Variants in COL25A1 observed in about 807,000 individuals in gnomAD.
COL25A1 encodes collagen type XXV alpha 1 chain, also known as collagen alpha-1(XXV) chain.
In COL25A1, 103 loss-of-function variants were observed where a neutral mutation model predicts 128.4. The ratio of observed to expected loss-of-function variants is 0.80; its 90% CI spans 0.68 to 0.94. The LOEUF (loss-of-function observed/expected upper bound fraction) is 0.94. Among genes scored for constraint, COL25A1 ranks in the 40% least tolerant of loss-of-function variants. The pLI, the probability that COL25A1 is intolerant of heterozygous loss-of-function variation, is 0.00. For synonymous variants in COL25A1, 279 were observed against 277.2 expected (o/e 1.01, Z -0.06); for missense variants, 745 against 840.0 (o/e 0.89, Z 1.40).
chr4:108,864,591 A>C (rs1246134540), intron 20 of COL25A1, among the ~76,000 whole-genome samples: 2 of 152,190 alleles, frequency 1.3e-5, no homozygotes, highest in Non-Finnish European at 2.9e-5. Flanking sequence ...GGCAGACAAG[A>C]GCTGCAGAAC....
chr4:109,111,344 G>C (rs1184969342), intron 3 of COL25A1, among the ~76,000 whole-genome samples: 1 of 152,148 alleles, frequency 6.6e-6, no homozygotes, highest in Non-Finnish European at 1.5e-5. Context: ...CTCTAGACTG[G>C]AAGTGCTAAT....
chr4:109,243,352 G>C (rs112525027), intron 3 of COL25A1, among the ~76,000 whole-genome samples: 5,463 of 152,024 alleles, frequency 0.036, 329 homozygotes, highest in African/African-American at 0.13. Flanking sequence ...CTCTGCTTGT[G>C]AGATGAGAGG....
chr4:109,054,665 C>T (rs1040893964), intron 3 of COL25A1, among the ~76,000 whole-genome samples: 1 of 152,154 alleles, frequency 6.6e-6, no homozygotes, highest in South Asian at 2.1e-4. Context: ...ATACCTCAAA[C>T]AGTAGAAAAT....
At chr4:109,091,440 C>G (rs1250809504) in intron 3 of COL25A1, among the ~76,000 whole-genome samples, 1 of 152,170 alleles carries the variant, frequency 6.6e-6, no homozygotes, top group East Asian at 1.9e-4. Context: ...CAATTTAATT[C>G]TCAATTATCA....
At chr4:109,096,893 A>T (rs940440027) in intron 3 of COL25A1, among the ~76,000 whole-genome samples, 2 of 152,228 alleles carry the variant, frequency 1.3e-5, no homozygotes, top group African/African-American at 4.8e-5. Flanking sequence ...AATTGGCTTT[A>T]ATTCATGATT....
At chr4:109,292,425 T>C (rs1403388023) in intron 3 of COL25A1, among the ~76,000 whole-genome samples, 3 of 152,036 alleles carry the variant, frequency 2.0e-5, no homozygotes, top group Non-Finnish European at 4.4e-5. Flanking sequence ...TGGAAAGAGA[T>C]GCACCATATT....
At chr4:109,236,570 G>A (rs1431187175) in intron 3 of COL25A1, among the ~76,000 whole-genome samples, 1 of 151,956 alleles carries the variant, frequency 6.6e-6, no homozygotes, top group African/African-American at 2.4e-5. Flanking sequence ...CAATCTATAA[G>A]CCTGGCACAA....
At chr4:108,992,896 CTCAAG>C (rs1187111510) in intron 6 of COL25A1, among the ~76,000 whole-genome samples, 15 of 151,790 alleles carry the variant, frequency 9.9e-5, no homozygotes, top group East Asian at 5.8e-4. Flanking sequence ...TATTCTGAGT[CTCAAG>C]TCAAGGCTAA....
At chr4:109,021,854 C>CT in intron 5 of COL25A1, 1 of 406,716 alleles carries the variant, frequency 2.5e-6, no homozygotes, top group South Asian at 1.8e-5. Context: ...CCCTGGTCTC[C>CT]TGCAGTACCC....
At chr4:109,140,805 G>A (rs1007212003) in intron 3 of COL25A1, among the ~76,000 whole-genome samples, 1 of 152,160 alleles carries the variant, frequency 6.6e-6, no homozygotes, top group African/African-American at 2.4e-5. Context: ...CTTTGCTGAC[G>A]TTGCTTATCA....
At chr4:109,101,658 T>C (rs528376706) in intron 3 of COL25A1, among the ~76,000 whole-genome samples, 1 of 152,322 alleles carries the variant, frequency 6.6e-6, no homozygotes, top group East Asian at 1.9e-4. Context: ...TAGGTGTCTC[T>C]TGAACTCATC....
At chr4:109,256,337 T>C (rs1781086320) in intron 3 of COL25A1, among the ~76,000 whole-genome samples, 1 of 152,092 alleles carries the variant, frequency 6.6e-6, no homozygotes, top group Non-Finnish European at 1.5e-5. Flanking sequence ...GCAAATAGCC[T>C]AGCCATAAGC....
chr4:108,904,767 C>T (rs1304843773), intron 13 of COL25A1, among the ~76,000 whole-genome samples: 1 of 152,046 alleles, frequency 6.6e-6, no homozygotes, highest in Non-Finnish European at 1.5e-5. Context: ...ACATCTTAAC[C>T]ACAGGTAGAT....
intron 3 of COL25A1, among the ~76,000 whole-genome samples, chr4:109,229,238 C>A (rs1779006617): frequency 1.3e-5 from 2 of 152,296 alleles, no homozygotes; most frequent in Admixed American, 6.5e-5. Context: ...TCCAACATGA[C>A]AAACTTATTC....
At chr4:109,219,617 C>T (rs545264038) in intron 3 of COL25A1, among the ~76,000 whole-genome samples, 7 of 152,174 alleles carry the variant, frequency 4.6e-5, no homozygotes, top group Non-Finnish European at 8.8e-5. Flanking sequence ...CCTATAGCCA[C>T]GCCCTTATTT....
At chr4:108,997,338 A>G (rs1754882891) in intron 6 of COL25A1, among the ~76,000 whole-genome samples, 1 of 152,228 alleles carries the variant, frequency 6.6e-6, no homozygotes, top group African/African-American at 2.4e-5. Flanking sequence ...AGAGAATACT[A>G]TAAACACCTC....
intron 20 of COL25A1, among the ~76,000 whole-genome samples, chr4:108,864,545 A>G (rs1393196983): frequency 6.6e-6 from 1 of 152,232 alleles, no homozygotes; most frequent in African/African-American, 2.4e-5. Context: ...AAGTATAAAT[A>G]TGGCTACTGT....
intron 3 of COL25A1, among the ~76,000 whole-genome samples, chr4:109,240,608 G>A (rs1257664685): frequency 5.3e-5 from 8 of 151,930 alleles, no homozygotes; most frequent in Non-Finnish European, 7.4e-5. Context: ...GAATTCACAC[G>A]TCCATTTACA....
chr4:109,016,382 C>G (rs890480665), intron 5 of COL25A1, among the ~76,000 whole-genome samples: 3 of 152,242 alleles, frequency 2.0e-5, no homozygotes, highest in African/African-American at 7.2e-5. Context: ...TTGGCATGAA[C>G]AGCCAAGGTG....
Sources: gnomAD v4.1 joint callset for allele counts (sites outside exome capture counted in the v4.1 genomes callset) on GRCh38, gnomAD v4.1.1 for gene constraint, MANE v1.5 for transcripts, NCBI Gene and HGNC (gene_info 2026-07-23, HGNC 2026-07-21) for gene names.